The following LHX9 variants were observed in gnomAD, a reference collection of about 807,000 sequenced individuals.
LHX9 encodes LIM homeobox 9.
Under a neutral mutation model 36.5 loss-of-function variants are expected in LHX9, and 9 were observed. The ratio of observed to expected loss-of-function variants is 0.25; its 90% CI spans 0.15 to 0.43. LHX9 has a LOEUF of 0.43. Among genes scored for constraint, LHX9 ranks in the 20% least tolerant of loss-of-function variants. The probability of loss-of-function intolerance (pLI) is 1.00; values close to 1 mark genes in which losing one functional copy is unlikely to be tolerated. For missense variants in LHX9, 464 were observed against 526.4 expected (o/e 0.88, Z 1.16); for synonymous variants, 211 against 212.1 (o/e 0.99, Z 0.04).
At position 197,932,000 on chromosome 1, in the gene LHX9, T is replaced by G; in HGVS notation, c.*2741T>G. The G allele has an allele frequency of 6.6e-7, 1 of 1,525,780 alleles. No individual in the cohort carries two copies. The allele number at this position is 1,525,780 out of a possible 1,614,324, so 94.5% of individuals were successfully genotyped here. A position where few individuals can be genotyped will look rare whatever the true frequency, so the allele number is the denominator to read the frequency against. ...AAGTATTAAAAGAAGGGGAAAAGTTTGATCGGAAATCCACTGCAGTGAAGA... is the reference window on the plus strand; with the variant it reads ...AAGTATTAAAAGAAGGGGAAAAGTTGGATCGGAAATCCACTGCAGTGAAGA... On this transcript the variant is annotated 3_prime_UTR_variant, in exon 5 of 5. Coordinates refer to ENST00000367387, the MANE Select transcript of LHX9 (RefSeq NM_020204.3).
rs780288990 is a variant in LHX9 at position 197,917,985 on chromosome 1, C to G, written c.162C>G (p.Asn54Lys). Residue 54 changes from asparagine (N) to lysine (K), a missense_variant, in exon 1 of 5, where the codon AAC becomes AAG. By Grantham distance (94) the Asn-to-Lys change is moderately conservative. Coordinates refer to ENST00000367387, the MANE Select transcript of LHX9 (RefSeq NM_020204.3). ...EARLAKGAQL[N>K]GRDAGMPPLS... is the part of the protein sequence containing the mutation. The stretch of plus-strand genomic sequence containing the variant: ...GTCTGGCCAAAGGCGCCCAGCTCAA[C>G]GGCCGCGACGCGGTAAGGAAGGGCT... The G allele has an allele frequency of 1.7e-5, 27 of 1,612,888 alleles. No homozygotes were observed. Among genetic ancestry groups the G allele is most frequent in the Non-Finnish European group, 2.2e-5 (26 of 1,179,514 alleles).
chr1:197,917,523 T>C lies in LHX9; in HGVS notation c.-301T>C. ...CCCCGCTGCAGTTGTTTCCCATTAGTAACTCGATCTCTCAGAGCAGTAAGA... is the reference window on the plus strand; with the variant it reads ...CCCCGCTGCAGTTGTTTCCCATTAGCAACTCGATCTCTCAGAGCAGTAAGA... On this transcript the variant is annotated 5_prime_UTR_variant, in exon 1 of 5. Coordinates refer to ENST00000367387, the MANE Select transcript of LHX9 (RefSeq NM_020204.3). 4.9e-6 allele frequency: 7 copies of C among 1,425,738 alleles called. No homozygotes were observed. The highest frequency in any genetic ancestry group is 6.6e-6 in the Non-Finnish European group (7 of 1,067,546). 88.3% of individuals were successfully genotyped at this position (1,425,738 alleles called of 1,614,324 possible).
upstream of LHX9, chr1:197,916,826 A>T: frequency 1.4e-6 from 1 of 701,858 alleles, no homozygotes; most frequent in Non-Finnish European, 2.6e-6. Flanking sequence ...GGAGGAGAGG[A>T]ACCAGCATTA....
chr1:197,919,901 TG>T, intron 1 of LHX9, 70 bp from the exon 2 acceptor site: 1 of 1,538,584 alleles, frequency 6.5e-7, no homozygotes, highest in Non-Finnish European at 8.9e-7. Flanking sequence ...TTGGTCTGCC[TG>T]GGGGAGAACC....
chr1:197,920,828 T>A (rs1659959152), intron 2 of LHX9, among the ~76,000 whole-genome samples: 1 of 152,184 alleles, frequency 6.6e-6, no homozygotes, highest in African/African-American at 2.4e-5. Flanking sequence ...AGATAAGTTG[T>A]TAAAAAAATA....
Position 197,917,726 on chromosome 1 carries a change from C to G in LHX9, c.-98C>G. ...CTTCTCCTCCTTTCTCTCCCTCTTT[C>G]CCTCCATCCTCGAGCGTCTCTGCGC... On this transcript the variant is annotated 5_prime_UTR_variant, in exon 1 of 5. Coordinates refer to ENST00000367387, the MANE Select transcript of LHX9 (RefSeq NM_020204.3). 1 of 1,594,702 alleles carries G rather than the reference C, an allele frequency of 6.3e-7. No homozygotes were observed. The highest frequency in any genetic ancestry group is 2.2e-5 in the East Asian group (1 of 44,726).
chr1:197,917,703 T>C lies in LHX9; in HGVS notation c.-121T>C. On this transcript the variant is annotated 5_prime_UTR_variant, in exon 1 of 5. Transcript: ENST00000367387. The stretch of plus-strand genomic sequence containing the variant: ...ACCGATTTCCACTCCATCTGTTTCT[T>C]CTCCTCCTTTCTCTCCCTCTTTCCC... 1.3e-6 allele frequency: 2 copies of C among 1,582,552 alleles called. No individual in the cohort carries two copies. The highest frequency in any genetic ancestry group is 1.7e-6 in the Non-Finnish European group (2 of 1,169,242).
chr1:197,934,830 T>C lies in LHX9; in HGVS notation c.*5571T>C, dbSNP rs1336721785. 2 of 152,034 alleles carry C rather than the reference T, an allele frequency of 1.3e-5. No individual in the cohort carries two copies. Among genetic ancestry groups the C allele is most frequent in the African/African-American group, 4.8e-5 (2 of 41,406 alleles). The allele number at this position is 152,034 out of a possible 1,614,324, so 9.4% of individuals were successfully genotyped here. ...ATTTTAAACATTTTAATAATAGTGC[T>C]CTGCCCTCACAACAGTTTTTTTTTC... On this transcript the variant is annotated 3_prime_UTR_variant, in exon 5 of 5. Transcript: ENST00000367387.
At position 197,919,958 on chromosome 1, in the gene LHX9, T is replaced by G; in HGVS notation, c.175-14T>G. 1 of 1,613,406 alleles carries G rather than the reference T, an allele frequency of 6.2e-7. No individual in the cohort carries two copies. Among genetic ancestry groups the G allele is most frequent in the Non-Finnish European group, 8.5e-7 (1 of 1,179,814 alleles). ...GCGCGCCCTCCTCAGCCTTGCGGTG[T>G]GCTTTCTTTGCAGGGCATGCCCCCG... On this transcript the variant is annotated splice_polypyrimidine_tract_variant and intron_variant, in intron 1 of 4. Coordinates refer to ENST00000367387, the MANE Select transcript of LHX9 (RefSeq NM_020204.3).
rs746967879 is a variant in LHX9, at chr1:197,934,380, A to G, written c.*5121A>G. 6 of 152,320 alleles carry G rather than the reference A, an allele frequency of 3.9e-5. No individual in the cohort carries two copies. Among genetic ancestry groups the G allele is most frequent in the Admixed American group, 6.5e-5 (1 of 15,300 alleles). 9.4% of individuals were successfully genotyped at this position (152,320 alleles called of 1,614,324 possible). ...TGGAATGGAAATTTGGAATCGTGTCATTCTAGGCTCTTAAAGAGAATATTA... is the reference window on the plus strand; with the variant it reads ...TGGAATGGAAATTTGGAATCGTGTCGTTCTAGGCTCTTAAAGAGAATATTA... On this transcript the variant is annotated 3_prime_UTR_variant, in exon 5 of 5. Coordinates refer to ENST00000367387, the MANE Select transcript of LHX9 (RefSeq NM_020204.3).
At chr1:197,920,206 G>A (rs770649180) in intron 2 of LHX9, 32 bp downstream of exon 2, 4 of 1,603,076 alleles carry the variant, frequency 2.5e-6, no homozygotes, top group Non-Finnish European at 3.4e-6. Context: ...TCCTACGCCC[G>A]AGTACACCTG....
chr1:197,918,686 A>C, intron 1 of LHX9: 2 of 341,690 alleles, frequency 5.9e-6, no homozygotes, highest in Non-Finnish European at 1.1e-5. Flanking sequence ...CCAACCCTTA[A>C]ACAAGCTAAT....
At chr1:197,916,839 T>C, upstream of LHX9, 1 of 697,562 alleles carries the variant, frequency 1.4e-6, no homozygotes, top group Non-Finnish European at 2.6e-6. Context: ...CAGCATTATC[T>C]CCACCTCAGT....
Position 197,932,484 on chromosome 1 carries a change from C to G in LHX9, c.*3225C>G, listed in dbSNP as rs1157434046. On this transcript the variant is annotated 3_prime_UTR_variant, in exon 5 of 5. Coordinates refer to ENST00000367387, the MANE Select transcript of LHX9 (RefSeq NM_020204.3). ...TTTTAAACAGAAATCTCTGCATGCA[C>G]TTTTACATATGTCACCTCTAGTGTA... 1 of 152,338 alleles carries G rather than the reference C, an allele frequency of 6.6e-6. No individual in the cohort carries two copies. Among genetic ancestry groups the G allele is most frequent in the Admixed American group, 6.5e-5 (1 of 15,330 alleles). The allele number at this position is 152,338 out of a possible 1,614,324, so 9.4% of individuals were successfully genotyped here.
upstream of LHX9, chr1:197,916,739 G>A (rs1233606235): frequency 7.1e-6 from 5 of 702,768 alleles, no homozygotes; most frequent in African/African-American, 1.7e-5. Context: ...TAGGGTCTCC[G>A]GCCCTCAAGA....
In LHX9 at chr1:197,917,515, C is replaced by T; in HGVS notation, c.-309C>T. The T allele has an allele frequency of 2.1e-6, 3 of 1,413,726 alleles. No homozygotes were observed. The highest frequency in any genetic ancestry group is 2.8e-6 in the Non-Finnish European group (3 of 1,059,922). 87.6% of individuals were successfully genotyped at this position (1,413,726 alleles called of 1,614,324 possible). A position where few individuals can be genotyped will look rare whatever the true frequency, so the allele number is the denominator to read the frequency against. On this transcript the variant is annotated 5_prime_UTR_variant, in exon 1 of 5. Transcript: ENST00000367387. Reference sequence around the variant, plus strand: ...TTTCCTCCCCCCGCTGCAGTTGTTTCCCATTAGTAACTCGATCTCTCAGAG... The same window carrying T: ...TTTCCTCCCCCCGCTGCAGTTGTTTTCCATTAGTAACTCGATCTCTCAGAG...
chr1:197,913,434 G>T (rs1275695727), upstream of LHX9, among the ~76,000 whole-genome samples: 1 of 152,128 alleles, frequency 6.6e-6, no homozygotes, highest in African/African-American at 2.4e-5. Context: ...CTTGAGGGAG[G>T]ATCCCCTAGT....
chr1:197,914,510 T>C (rs1659695851), upstream of LHX9, among the ~76,000 whole-genome samples: 1 of 152,102 alleles, frequency 6.6e-6, no homozygotes, highest in Non-Finnish European at 1.5e-5. Flanking sequence ...TTTAAAGTCC[T>C]TTGAGAATGA....
Position 197,921,223 on chromosome 1 carries a change from C to G in LHX9, c.378-81C>G. 1 of 1,222,370 alleles carries G rather than the reference C, an allele frequency of 8.2e-7. No homozygotes were observed. Among genetic ancestry groups the G allele is most frequent in the Non-Finnish European group, 1.2e-6 (1 of 866,860 alleles). 75.7% of individuals were successfully genotyped at this position (1,222,370 alleles called of 1,614,324 possible). ...CCCAGGTCCCAGTCTCAGGCCACTGCAGACCAAACCCAGGTGTCGCGGGTG... is the reference window on the plus strand; with the variant it reads ...CCCAGGTCCCAGTCTCAGGCCACTGGAGACCAAACCCAGGTGTCGCGGGTG... On this transcript the variant is annotated intron_variant, in intron 2 of 4. Transcript: ENST00000367387. This position sits in a 1 kb window ranked among gnomAD's most constrained non-coding sequence, Gnocchi z 4.6.
Sources: allele counts gnomAD v4.1 joint callset (sites outside exome capture counted in the v4.1 genomes callset), GRCh38; gene constraint gnomAD v4.1.1; non-coding constraint Gnocchi (gnomAD v3.1); transcripts MANE v1.5; gene names NCBI Gene and HGNC (gene_info 2026-07-23, HGNC 2026-07-21).